CDYL2: variants seen among roughly 807,000 people sequenced by gnomAD.
The protein encoded by CDYL2 is chromodomain Y like 2.
In CDYL2, 23 loss-of-function variants were observed where a neutral mutation model predicts 49.4. The observed-to-expected ratio is 0.47, with a 90% CI of 0.34 to 0.66. The LOEUF is 0.66. Among genes scored for constraint, CDYL2 ranks in the 30% least tolerant of loss-of-function variants. The probability of loss-of-function intolerance (pLI) is 0.01; values close to 1 mark genes in which losing one functional copy is unlikely to be tolerated. For synonymous variants in CDYL2, 360 were observed against 268.8 expected (o/e 1.34, Z -3.32); for missense variants, 678 against 656.4 (o/e 1.03, Z -0.36).
intron 2 of CDYL2, among the ~76,000 whole-genome samples, chr16:80,667,086 G>C (rs1385536537): frequency 9.9e-5 from 15 of 152,208 alleles, no homozygotes; most frequent in Admixed American, 9.8e-4. Flanking sequence ...TATGCTGGCA[G>C]TCAGCAAAGG....
intron 2 of CDYL2, among the ~76,000 whole-genome samples, chr16:80,671,620 C>T (rs540814292): frequency 6.6e-6 from 1 of 152,276 alleles, no homozygotes; most frequent in East Asian, 1.9e-4. Context: ...GTGAACCAGC[C>T]ACAAAGAGGA....
In CDYL2 at chr16:80,598,315, A is replaced by G; in HGVS notation, c.*6073T>C. ...TCCATGATCAAATCCAAACACTCCT[A>G]GGGTGGGCTGGATAAGTTTTTGGTA... On this transcript the variant is annotated 3_prime_UTR_variant, in exon 7 of 7. Coordinates refer to ENST00000570137, the MANE Select transcript of CDYL2 (RefSeq NM_152342.4). The G allele has an allele frequency of 6.6e-6, 1 of 152,058 alleles. No individual in the cohort carries two copies. Among genetic ancestry groups the G allele is most frequent in the African/African-American group, 2.4e-5 (1 of 41,422 alleles). 9.4% of individuals were successfully genotyped at this position (152,058 alleles called of 1,614,324 possible).
rs1339625244 is a variant in CDYL2, at chr16:80,599,964, G to C, written c.*4424C>G. On this transcript the variant is annotated 3_prime_UTR_variant, in exon 7 of 7. Coordinates refer to ENST00000570137, the MANE Select transcript of CDYL2 (RefSeq NM_152342.4). ...ATTACAGACTGCATTCAGTCCATCA[G>C]CATGGCTTACGTTGCATGGAGGAAA... 2 of 152,188 alleles carry C rather than the reference G, an allele frequency of 1.3e-5. No individual in the cohort carries two copies. Among genetic ancestry groups the C allele is most frequent in the African/African-American group, 4.8e-5 (2 of 41,440 alleles). 9.4% of individuals were successfully genotyped at this position (152,188 alleles called of 1,614,324 possible). A position where few individuals can be genotyped will look rare whatever the true frequency, so the allele number is the denominator to read the frequency against.
At chr16:80,655,193 T>C (rs779025785) in intron 2 of CDYL2, among the ~76,000 whole-genome samples, 1 of 152,216 alleles carries the variant, frequency 6.6e-6, no homozygotes, top group Non-Finnish European at 1.5e-5. Flanking sequence ...CCATTCTAGT[T>C]AGTCCATTTT....
At chr16:80,770,435 C>T (rs1257760033) in intron 1 of CDYL2, among the ~76,000 whole-genome samples, 1 of 152,090 alleles carries the variant, frequency 6.6e-6, no homozygotes, top group Non-Finnish European at 1.5e-5. Context: ...GCAACAAAAT[C>T]TTCACAACCA....
At chr16:80,607,115 G>A (rs1051856493) in intron 6 of CDYL2, among the ~76,000 whole-genome samples, 3 of 152,132 alleles carry the variant, frequency 2.0e-5, no homozygotes, top group South Asian at 2.1e-4. Flanking sequence ...GAGAATCCAC[G>A]TGAAGAGATC....
rs116745365 is a variant in CDYL2, at chr16:80,604,063, G to T, written c.*325C>A. ...GCCTGAGTCAGAAGAATGTGAAAGT[G>T]GTCTTCCCCTTCCTGGACCGTCATG... On this transcript the variant is annotated 3_prime_UTR_variant, in exon 7 of 7. Transcript: ENST00000570137. 1.3e-3 allele frequency: 420 copies of T among 317,216 alleles called. 3 individuals carry two copies. Among genetic ancestry groups the T allele is most frequent in the African/African-American group, 8.6e-3 (409 of 47,670 alleles). 19.7% of individuals were successfully genotyped at this position (317,216 alleles called of 1,614,324 possible).
chr16:80,631,837 A>G (rs1335506228), intron 3 of CDYL2, among the ~76,000 whole-genome samples: 2 of 152,204 alleles, frequency 1.3e-5, no homozygotes, highest in Non-Finnish European at 2.9e-5. Flanking sequence ...AGCCACAATG[A>G]GATACCACCT....
At chr16:80,739,371 G>A (rs949664499) in intron 1 of CDYL2, among the ~76,000 whole-genome samples, 7 of 152,182 alleles carry the variant, frequency 4.6e-5, no homozygotes, top group East Asian at 3.9e-4. Flanking sequence ...TTAATACCTC[G>A]GAAATGCACA....
intron 2 of CDYL2, among the ~76,000 whole-genome samples, chr16:80,670,693 T>C (rs530946589): frequency 7.2e-5 from 11 of 152,186 alleles, no homozygotes; most frequent in African/African-American, 2.4e-4. Flanking sequence ...CGCAAACCTA[T>C]TTCCAGGCTC....
intron 2 of CDYL2, among the ~76,000 whole-genome samples, chr16:80,651,816 G>C (rs960837007): frequency 6.6e-6 from 1 of 152,134 alleles, no homozygotes; most frequent in Non-Finnish European, 1.5e-5. Context: ...GATTCCCATG[G>C]CGGTAGGGGC....
At chr16:80,769,036 A>G (rs182951485) in intron 1 of CDYL2, among the ~76,000 whole-genome samples, 13 of 152,262 alleles carry the variant, frequency 8.5e-5, no homozygotes, top group Admixed American at 7.8e-4. Flanking sequence ...TAAAGTCCAA[A>G]CTTCCTAGTA....
chr16:80,770,266 A>T (rs1906862289), intron 1 of CDYL2, among the ~76,000 whole-genome samples: 1 of 152,216 alleles, frequency 6.6e-6, no homozygotes, highest in African/African-American at 2.4e-5. Flanking sequence ...GTACCAAGTT[A>T]TGTTAATGAA....
At chr16:80,665,765 A>G (rs964536599) in intron 2 of CDYL2, among the ~76,000 whole-genome samples, 5 of 152,112 alleles carry the variant, frequency 3.3e-5, no homozygotes, top group Non-Finnish European at 7.4e-5. Flanking sequence ...CCTCCTACTC[A>G]GTGGCACTGT....
chr16:80,644,277 C>T (rs1908234968), intron 2 of CDYL2, among the ~76,000 whole-genome samples: 1 of 152,210 alleles, frequency 6.6e-6, no homozygotes, highest in Admixed American at 6.5e-5. Context: ...TAAGCCTGGA[C>T]CTTATTGTCC....
intron 1 of CDYL2, among the ~76,000 whole-genome samples, chr16:80,694,669 C>T (rs1910550971): frequency 6.6e-6 from 1 of 152,092 alleles, no homozygotes; most frequent in East Asian, 1.9e-4. Context: ...CTACATCTTT[C>T]CTCTGAGAAG....
At chr16:80,681,746 T>A (rs1267951576) in intron 2 of CDYL2, among the ~76,000 whole-genome samples, 1 of 152,154 alleles carries the variant, frequency 6.6e-6, no homozygotes, top group Non-Finnish European at 1.5e-5. Context: ...TGTTACTCCT[T>A]CCATGGAGCC....
In CDYL2 at chr16:80,782,823, A is replaced by G. The variant is rs144400774; in HGVS notation, c.24+21327T>C. Among the ~76,000 whole-genome samples, 17 of 152,262 alleles carry G rather than the reference A, an allele frequency of 1.1e-4. 1 individual carries two copies. The East Asian group carries it at 3.3e-3, about 29-fold the overall frequency. On this transcript the variant is annotated intron_variant, in intron 1 of 6. Transcript: ENST00000570137. ...TATTATGATTAAAAATAAAATTTTGAAAAACTAGTAATAAAATGAAACTCT... is the reference window on the plus strand; with the variant it reads ...TATTATGATTAAAAATAAAATTTTGGAAAACTAGTAATAAAATGAAACTCT...
chr16:80,749,697 C>G (rs960399497), intron 1 of CDYL2, among the ~76,000 whole-genome samples: 87 of 151,944 alleles, frequency 5.7e-4, no homozygotes, highest in African/African-American at 1.7e-3. Flanking sequence ...AAGCTGAGTT[C>G]AGGGGGAAAA....
Sources: allele counts gnomAD v4.1 joint callset (sites outside exome capture counted in the v4.1 genomes callset), GRCh38; gene constraint gnomAD v4.1.1; transcripts MANE v1.5; gene names NCBI Gene and HGNC (gene_info 2026-07-23, HGNC 2026-07-21).